The following AOPEP variants were observed in gnomAD, a reference collection of about 807,000 sequenced individuals.
AOPEP encodes aminopeptidase O (putative).
Under a neutral mutation model 98.1 loss-of-function variants are expected in AOPEP, and 77 were observed. The ratio of observed to expected loss-of-function variants is 0.78; its 90% CI spans 0.65 to 0.95. The LOEUF (loss-of-function observed/expected upper bound fraction) is 0.95. Ranked by LOEUF, AOPEP falls within the 40% of genes least tolerant of loss-of-function variation. The pLI is 0.00. For missense variants in AOPEP, 1,024 were observed against 1,024.7 expected, an observed-to-expected ratio of 1.00 and a Z score of 0.01; for synonymous variants, 346 against 365.3, an observed-to-expected ratio of 0.95 and a Z score of 0.60.
At chr9:94,773,780 T>C (rs899003649) in intron 3 of AOPEP, among the ~76,000 whole-genome samples, 1 of 152,196 alleles carries the variant, frequency 6.6e-6, no homozygotes, top group Non-Finnish European at 1.5e-5. Context: ...ATTTGTTTAT[T>C]TGAGAGACAG....
the AOPEP span, chr9:95,110,416 A>G: frequency 9.8e-7 from 1 of 1,025,134 alleles, no homozygotes; most frequent in East Asian, 6.4e-5. Flanking sequence ...AACATCAACC[A>G]GGATTTTCCT....
intron 13 of AOPEP, chr9:95,006,030 G>C: frequency 2.1e-6 from 1 of 466,282 alleles, no homozygotes; most frequent in Non-Finnish European, 4.4e-6. Context: ...AAGAAATAGA[G>C]AGAGAAGAAG....
the AOPEP span, chr9:95,106,998 G>T: frequency 1.3e-6 from 2 of 1,505,702 alleles, no homozygotes; most frequent in Middle Eastern, 1.7e-4. Context: ...CAGACCCTCG[G>T]ACAGGTAACC....
intron 16 of AOPEP, chr9:95,085,166 G>A (rs1216003685): frequency 4.5e-6 from 2 of 444,128 alleles, no homozygotes; most frequent in South Asian, 1.6e-5. Flanking sequence ...GCGTCCTTCC[G>A]CGGAAGCCCA....
At chr9:94,801,246 G>C (rs1383662891) in intron 5 of AOPEP, among the ~76,000 whole-genome samples, 1 of 152,214 alleles carries the variant, frequency 6.6e-6, no homozygotes, top group Non-Finnish European at 1.5e-5. Context: ...TCACATTGTT[G>C]CTGGGATTGA....
the AOPEP span, chr9:95,107,407 C>T: frequency 8.2e-5 from 74 of 897,370 alleles, no homozygotes; most frequent in Middle Eastern, 3.2e-4. Flanking sequence ...AGGCAGCGGC[C>T]GAATTTACAC....
chr9:94,800,640 G>T lies in AOPEP; in HGVS notation c.1119-117G>T, dbSNP rs1848009187. 7.6e-6 allele frequency: 8 copies of T among 1,058,682 alleles called. No homozygotes were observed. The South Asian group carries it at 9.8e-5, about 13-fold the overall frequency. The allele number at this position is 1,058,682 out of a possible 1,614,324, so 65.6% of individuals were successfully genotyped here. A position where few individuals can be genotyped will look rare whatever the true frequency, so the allele number is the denominator to read the frequency against. On this transcript the variant is annotated intron_variant, in intron 4 of 16. Transcript: ENST00000375315. The stretch of plus-strand genomic sequence containing the variant: ...CCAAGAATTGAAATGAGCAGTCTTT[G>T]CTTGTGAGTCTGTCTGAACCTCTGT...
chr9:94,824,327 C>T (rs1853974782), intron 5 of AOPEP: 1 of 152,194 alleles, frequency 6.6e-6, no homozygotes, highest in Non-Finnish European at 1.5e-5. Context: ...TCTAAGATGT[C>T]AAATCGACTG....
chr9:95,088,975 G>A (rs903441928), downstream of AOPEP, among the ~76,000 whole-genome samples: 7 of 152,342 alleles, frequency 4.6e-5, no homozygotes, highest in South Asian at 2.1e-4. Flanking sequence ...CACCCTGCCC[G>A]TGCTGGGGCT....
At chr9:94,896,889 C>G (rs543964986) in intron 5 of AOPEP, among the ~76,000 whole-genome samples, 4 of 144,384 alleles carry the variant, frequency 2.8e-5, no homozygotes, top group African/African-American at 1.0e-4. Flanking sequence ...TACATTTTGA[C>G]AAATGTCTCA....
intron 5 of AOPEP, among the ~76,000 whole-genome samples, chr9:94,903,068 C>T (rs1327021195): frequency 6.6e-6 from 1 of 151,274 alleles, no homozygotes; most frequent in African/African-American, 2.4e-5. Context: ...GTAACCTCTG[C>T]CCCCCGGGTT....
chr9:94,761,285 A>G (rs1838230925), intron 2 of AOPEP, among the ~76,000 whole-genome samples: 1 of 152,228 alleles, frequency 6.6e-6, no homozygotes. Flanking sequence ...ACATTTAGGC[A>G]GACCTTGCTC....
At chr9:95,114,694 G>A in the AOPEP span, 2 of 1,614,124 alleles carry the variant, frequency 1.2e-6, no homozygotes, top group East Asian at 4.5e-5. Flanking sequence ...TCTGGAGCCA[G>A]TGTCCCCGAG....
At chr9:95,038,675 G>A (rs1402076814) in intron 13 of AOPEP, among the ~76,000 whole-genome samples, 2 of 152,230 alleles carry the variant, frequency 1.3e-5, no homozygotes, top group African/African-American at 2.4e-5. Flanking sequence ...AAGGGAACGA[G>A]TCTTGTTAAG....
At chr9:94,813,640 G>A (rs1459276495) in intron 5 of AOPEP, among the ~76,000 whole-genome samples, 1 of 152,202 alleles carries the variant, frequency 6.6e-6, no homozygotes, top group Non-Finnish European at 1.5e-5. Context: ...TCCCTAAGGA[G>A]TTTCTCATGC....
In AOPEP at chr9:94,993,512, A is replaced by T. The variant is rs1275343612; in HGVS notation, c.1978-11646A>T. On this transcript the variant is annotated intron_variant, in intron 11 of 16. Transcript: ENST00000375315. ...TGCATATTTTATAGCAAAACGTTGCAGTATTTCTTATATTGAGAAAGTAGA... is the reference window on the plus strand; with the variant it reads ...TGCATATTTTATAGCAAAACGTTGCTGTATTTCTTATATTGAGAAAGTAGA... 2.0e-5 allele frequency among the ~76,000 whole-genome samples: 3 copies of T among 152,252 alleles called. No homozygotes were observed. The East Asian group carries it at 5.8e-4, about 29-fold the overall frequency.
At chr9:94,733,105 C>CTTTT (rs537104658) in intron 1 of AOPEP, among the ~76,000 whole-genome samples, 7 of 128,930 alleles carry the variant, frequency 5.4e-5, no homozygotes, top group Non-Finnish European at 9.8e-5. Flanking sequence ...TTTTCTTTCT[C>CTTTT]TTTTTTTTTT....
intron 5 of AOPEP, among the ~76,000 whole-genome samples, chr9:94,807,681 C>T (rs1849532220): frequency 6.6e-6 from 1 of 152,208 alleles, no homozygotes; most frequent in Admixed American, 6.5e-5. Context: ...GTTCAGTGCA[C>T]AAAGTTACCT....
the AOPEP span, among the ~76,000 whole-genome samples, chr9:95,132,404 G>A: frequency 6.6e-6 from 1 of 152,242 alleles, no homozygotes; most frequent in Non-Finnish European, 1.5e-5. Context: ...TTAACAAGTG[G>A]CTTTCACTGC....
Sources: allele counts gnomAD v4.1 joint callset (sites outside exome capture counted in the v4.1 genomes callset), GRCh38; gene constraint gnomAD v4.1.1; transcripts MANE v1.5; gene names NCBI Gene and HGNC (gene_info 2026-07-23, HGNC 2026-07-21).